ITGB5: variants seen among roughly 807,000 people sequenced by gnomAD.
The protein encoded by ITGB5 is integrin beta-5.
A neutral mutation model predicts 84.8 loss-of-function variants in ITGB5; 38 were observed. The observed-to-expected ratio is 0.45, with a 90% CI of 0.35 to 0.59. ITGB5 has a LOEUF of 0.59. Ranked by LOEUF, ITGB5 falls within the 20% of genes least tolerant of loss-of-function variation. The probability of loss-of-function intolerance (pLI) is 0.01; values close to 1 mark genes in which losing one functional copy is unlikely to be tolerated. For missense variants in ITGB5, 905 were observed against 1,034.5 expected (o/e 0.87, Z 1.72); for synonymous variants, 393 against 414.4 (o/e 0.95, Z 0.63).
At chr3:124,875,955 C>G (rs1370231289) in intron 1 of ITGB5, among the ~76,000 whole-genome samples, 1 of 152,198 alleles carries the variant, frequency 6.6e-6, no homozygotes, top group East Asian at 1.9e-4. Flanking sequence ...CTCAGAAATA[C>G]GGAGAGTAAA....
intron 12 of ITGB5, among the ~76,000 whole-genome samples, chr3:124,767,940 A>G (rs2063790124): frequency 3.3e-5 from 5 of 152,142 alleles, no homozygotes; most frequent in Admixed American, 3.3e-4. Flanking sequence ...ATGGTGGCAC[A>G]TGCCTGTGGT....
upstream of ITGB5, among the ~76,000 whole-genome samples, chr3:124,890,022 A>G (rs1404539389): frequency 2.0e-5 from 3 of 152,014 alleles, no homozygotes; most frequent in Non-Finnish European, 4.4e-5. Flanking sequence ...GTCTCAATCA[A>G]TCAATCAATC....
intron 13 of ITGB5, 53 bp from the exon 14 acceptor site, chr3:124,764,610 C>T: frequency 6.5e-7 from 1 of 1,542,718 alleles, no homozygotes; most frequent in Non-Finnish European, 8.9e-7. Context: ...CCATGCCCCT[C>T]TCACGCAACT....
intron 1 of ITGB5, among the ~76,000 whole-genome samples, chr3:124,900,887 T>C (rs1935203314): frequency 6.6e-6 from 1 of 152,230 alleles, no homozygotes; most frequent in African/African-American, 2.4e-5. Context: ...TTATGCACCA[T>C]TAATATGACA....
At chr3:124,900,327 G>C (rs146449975) in intron 1 of ITGB5, among the ~76,000 whole-genome samples, 1 of 152,082 alleles carries the variant, frequency 6.6e-6, no homozygotes, top group Non-Finnish European at 1.5e-5. Context: ...CATAATTATC[G>C]TGAGAATTAA....
chr3:124,764,668 C>T lies in ITGB5; in HGVS notation c.2138-111G>A, dbSNP rs75834565. ...TTGCACCCCTTCCAAAGGCCTTCTC[C>T]TCGGCTCTCCCTTAGATCCTCAGGA... On this transcript the variant is annotated intron_variant, in intron 13 of 14. Transcript: ENST00000296181. 1,092 of 1,020,620 alleles carry T rather than the reference C, an allele frequency of 1.1e-3. 13 individuals carry two copies. The African/African-American group carries it at 0.014, about 14-fold the overall frequency. The allele number at this position is 1,020,620 out of a possible 1,614,324, so 63.2% of individuals were successfully genotyped here.
chr3:124,798,035 T>C (rs1324578317), intron 9 of ITGB5, among the ~76,000 whole-genome samples: 2 of 145,286 alleles, frequency 1.4e-5, no homozygotes, highest in African/African-American at 5.1e-5. Context: ...CTTAATTCTA[T>C]TCTTTCGGCT....
intron 5 of ITGB5, among the ~76,000 whole-genome samples, chr3:124,835,556 C>T (rs1410605699): frequency 6.6e-6 from 1 of 152,240 alleles, no homozygotes; most frequent in Non-Finnish European, 1.5e-5. Context: ...CCCCGGAAAC[C>T]TGTGGTGCGA....
At chr3:124,852,637 A>T (rs906318451) in intron 3 of ITGB5, among the ~76,000 whole-genome samples, 9 of 152,010 alleles carry the variant, frequency 5.9e-5, no homozygotes, top group Non-Finnish European at 1.2e-4. Context: ...TTCCTTAGGG[A>T]TATATATCAA....
In ITGB5 at chr3:124,848,343, T is replaced by C; in HGVS notation, c.577A>G (p.Thr193Ala). Residue 193 changes from threonine to alanine, a missense_variant, in exon 4 of 15, where the codon ACG becomes GCG. Physicochemically the swap from Thr to Ala is moderately conservative, Grantham distance 58 (BLOSUM62 0). Around this residue, in one of 3 missense-constraint regions of ITGB5, gnomAD observed 656 missense variants for 734.7 expected, o/e 0.89. Transcript: ENST00000296181. ...VDKDISPFSY[T>A]APRYQTNPCI... is the part of the protein sequence containing the mutation. The stretch of plus-strand genomic sequence containing the variant: ...GGATTGGTCTGGTACCTCGGTGCCG[T>C]GTAGGAGAAAGGAGAGATGTCCTTA... The C allele has an allele frequency of 6.2e-7, 1 of 1,614,158 alleles. No individual in the cohort carries two copies. The highest frequency in any genetic ancestry group is 8.5e-7 in the Non-Finnish European group (1 of 1,180,030).
At chr3:124,830,221 T>C (rs925163680) in intron 5 of ITGB5, among the ~76,000 whole-genome samples, 2 of 152,064 alleles carry the variant, frequency 1.3e-5, no homozygotes, top group Non-Finnish European at 2.9e-5. Context: ...AAAAGGAAGC[T>C]CACACAGAGA....
At chr3:124,899,853 CAAAAAAAAAA>C (rs60859904) in intron 1 of ITGB5, among the ~76,000 whole-genome samples, 27 of 35,010 alleles carry the variant, frequency 7.7e-4, no homozygotes, top group Non-Finnish European at 6.9e-4. Context: ...GACCCTGTCT[CAAAAAAAAAA>C]AAAAAAAAAA....
At chr3:124,811,727 C>T (rs959708915) in intron 8 of ITGB5, among the ~76,000 whole-genome samples, 2 of 152,170 alleles carry the variant, frequency 1.3e-5, no homozygotes, top group Non-Finnish European at 2.9e-5. Flanking sequence ...TTCCTGCTAC[C>T]CACAGAGTCT....
intron 8 of ITGB5, among the ~76,000 whole-genome samples, chr3:124,813,528 C>G (rs1013620945): frequency 6.6e-6 from 1 of 152,184 alleles, no homozygotes; most frequent in South Asian, 2.1e-4. Flanking sequence ...TTCAAATTCC[C>G]ATGACCCCTC....
intron 9 of ITGB5, among the ~76,000 whole-genome samples, chr3:124,800,796 A>G (rs2107524417): frequency 6.6e-6 from 1 of 152,358 alleles, no homozygotes; most frequent in South Asian, 2.1e-4. Flanking sequence ...GGCAGCTGGA[A>G]TGAGGCCTCT....
rs201855692 is a variant in ITGB5 at position 124,809,031 on chromosome 3, A to T, written c.1254T>A (p.Ile418=). The T allele has an allele frequency of 1.1e-5, 18 of 1,614,014 alleles. No homozygotes were observed. In the East Asian group the frequency reaches 1.6e-4, roughly 14 times the overall value. Reference sequence around the variant, plus strand: ...TTGGGGTGAGACTTACCGTGTCCCCAATCTTCAGACCCTCACACTTCCTCT... The same window carrying T: ...TTGGGGTGAGACTTACCGTGTCCCCTATCTTCAGACCCTCACACTTCCTCT... ...PGQRKCEGLK[I]GDTASFEVSL... is the part of the protein sequence containing the mutation. The change falls in exon 9 of 15, where the codon ATT becomes ATA. Residue 418 remains isoleucine (I), a synonymous_variant. Transcript: ENST00000296181.
At chr3:124,829,458 G>A (rs1320572475) in intron 5 of ITGB5, among the ~76,000 whole-genome samples, 1 of 152,182 alleles carries the variant, frequency 6.6e-6, no homozygotes, top group East Asian at 1.9e-4. Flanking sequence ...AATTCACCAC[G>A]AGGTCTATTT....
Position 124,796,408 on chromosome 3 carries a change from T to G in ITGB5, c.1673A>C (p.Asn558Thr). 6.2e-7 allele frequency: 1 copy of G among 1,612,514 alleles called. No homozygotes were observed. Among genetic ancestry groups the G allele is most frequent in the Non-Finnish European group, 8.5e-7 (1 of 1,178,972 alleles). ...CTTACCTGAGCAGAGGACTCCCTTGTTCCTGGCACAGGAGAAGTTGTCGCA... is the reference window on the plus strand; with the variant it reads ...CTTACCTGAGCAGAGGACTCCCTTGGTCCTGGCACAGGAGAAGTTGTCGCA... ...CECDNFSCAR[N>T]KGVLCSGHGE... is the part of the protein sequence containing the mutation. The change falls in exon 10 of 15, where the codon AAC (asparagine) becomes ACC (threonine). Residue 558 changes from asparagine to threonine, a missense_variant. By Grantham distance (65) the Asn-to-Thr change is moderately conservative. Coordinates refer to ENST00000296181, the MANE Select transcript of ITGB5 (RefSeq NM_002213.5).
intron 8 of ITGB5, among the ~76,000 whole-genome samples, chr3:124,812,517 T>C (rs1579236307): frequency 6.6e-6 from 1 of 152,186 alleles, no homozygotes; most frequent in South Asian, 2.1e-4. Context: ...TTCCAACTCA[T>C]TCTGTTCGCT....
Sources: allele counts gnomAD v4.1 joint callset (sites outside exome capture counted in the v4.1 genomes callset), GRCh38; gene constraint gnomAD v4.1.1; regional missense constraint gnomAD v4.1.1; transcripts MANE v1.5; gene names NCBI Gene and HGNC (gene_info 2026-07-23, HGNC 2026-07-21).